The following REDIC1 variants were observed in gnomAD, a reference collection of about 807,000 sequenced individuals.
The protein encoded by REDIC1 is regulator of DNA class I crossover intermediates 1, also known as HEI10 Interacting Protein 1.
chr12:39,856,329 G>A, the REDIC1 span, among the ~76,000 whole-genome samples: 1 of 152,036 alleles, frequency 6.6e-6, no homozygotes, highest in Non-Finnish European at 1.5e-5. Context: ...TACTTTCACT[G>A]AAGAGGTTCT....
the REDIC1 span, among the ~76,000 whole-genome samples, chr12:39,665,030 C>A: frequency 6.6e-6 from 1 of 152,136 alleles, no homozygotes; most frequent in Non-Finnish European, 1.5e-5. Context: ...GTTGCCTGTT[C>A]ATTCTGATCA....
the REDIC1 span, among the ~76,000 whole-genome samples, chr12:39,740,977 A>T: frequency 0.014 from 2,107 of 151,960 alleles, 140 homozygotes; most frequent in Admixed American, 0.098. Context: ...TATTATTATT[A>T]TTTTTTTGAG....
the REDIC1 span, among the ~76,000 whole-genome samples, chr12:39,631,640 C>T: frequency 2.0e-5 from 3 of 152,034 alleles, no homozygotes; most frequent in Non-Finnish European, 4.4e-5. Flanking sequence ...GGGCTAAATA[C>T]TTATATACAA....
the REDIC1 span, among the ~76,000 whole-genome samples, chr12:39,823,326 C>T: frequency 2.6e-5 from 4 of 152,178 alleles, no homozygotes; most frequent in South Asian, 8.3e-4. Flanking sequence ...CCTTATGTGA[C>T]TAACTGATAA....
At chr12:39,863,978 A>G in the REDIC1 span, among the ~76,000 whole-genome samples, 1 of 152,208 alleles carries the variant, frequency 6.6e-6, no homozygotes, top group Admixed American at 6.5e-5. Context: ...AGGAATATAC[A>G]TTTTTGTTAA....
chr12:39,714,306 T>C, the REDIC1 span, among the ~76,000 whole-genome samples: 66 of 149,656 alleles, frequency 4.4e-4, 24 homozygotes, highest in African/African-American at 1.5e-3. Context: ...CATATATGTA[T>C]ATACGTATAT....
At chr12:39,660,964 T>C in the REDIC1 span, among the ~76,000 whole-genome samples, 2 of 152,086 alleles carry the variant, frequency 1.3e-5, no homozygotes, top group African/African-American at 4.8e-5. Flanking sequence ...GTTCCACCCA[T>C]GTTGCTGCAA....
At chr12:39,871,727 A>G in the REDIC1 span, 1 of 1,446,694 alleles carries the variant, frequency 6.9e-7, no homozygotes. Flanking sequence ...TAAGTATTGT[A>G]TTTTTGAAGG....
At chr12:39,719,891 C>G in the REDIC1 span, among the ~76,000 whole-genome samples, 1 of 151,926 alleles carries the variant, frequency 6.6e-6, no homozygotes, top group Non-Finnish European at 1.5e-5. Context: ...TGTGTTCGGA[C>G]CATTTTAAGA....
the REDIC1 span, among the ~76,000 whole-genome samples, chr12:39,777,251 A>T: frequency 2.6e-5 from 4 of 152,242 alleles, no homozygotes; most frequent in Admixed American, 1.3e-4. Context: ...TAAACTGAGT[A>T]AAGGCAGGGA....
At chr12:39,735,906 C>A in the REDIC1 span, among the ~76,000 whole-genome samples, 7 of 152,188 alleles carry the variant, frequency 4.6e-5, no homozygotes, top group South Asian at 1.5e-3. Flanking sequence ...GGGGTGAACC[C>A]CAGTATGATT....
the REDIC1 span, among the ~76,000 whole-genome samples, chr12:39,666,649 T>A: frequency 0.069 from 10,576 of 152,210 alleles, 1,292 homozygotes; most frequent in African/African-American, 0.24. Context: ...TGGTACCAGC[T>A]CCTCCTTGTA....
the REDIC1 span, chr12:39,682,680 T>A: frequency 1.9e-6 from 3 of 1,611,260 alleles, no homozygotes; most frequent in Non-Finnish European, 2.5e-6. Flanking sequence ...GAAGCACGGA[T>A]GAAATAAGAC....
the REDIC1 span, among the ~76,000 whole-genome samples, chr12:39,726,550 A>G: frequency 7.9e-5 from 12 of 152,086 alleles, no homozygotes; most frequent in African/African-American, 2.9e-4. Flanking sequence ...CATTTTCTTT[A>G]TCCAGTCTAT....
the REDIC1 span, among the ~76,000 whole-genome samples, chr12:39,678,347 T>C: frequency 1.3e-5 from 2 of 152,134 alleles, no homozygotes. Flanking sequence ...AGGAGATTGA[T>C]AAATTCCTAG....
chr12:39,772,298 T>A, the REDIC1 span, among the ~76,000 whole-genome samples: 2 of 152,160 alleles, frequency 1.3e-5, no homozygotes, highest in Non-Finnish European at 2.9e-5. Context: ...CTCAATTTTC[T>A]TGTAAAATAA....
the REDIC1 span, among the ~76,000 whole-genome samples, chr12:39,839,965 T>C: frequency 6.6e-6 from 1 of 152,118 alleles, no homozygotes; most frequent in Non-Finnish European, 1.5e-5. Context: ...CATATTTAAA[T>C]AGCTACCAGT....
the REDIC1 span, chr12:39,872,101 T>G: frequency 3.3e-6 from 2 of 609,762 alleles, no homozygotes; most frequent in East Asian, 6.6e-5. Flanking sequence ...TGGGAATTCA[T>G]GCAAGCTGTT....
At chr12:39,703,273 A>T in the REDIC1 span, among the ~76,000 whole-genome samples, 468 of 150,844 alleles carry the variant, frequency 3.1e-3, 6 homozygotes, top group African/African-American at 0.011. Flanking sequence ...AATCACAAGC[A>T]TTCTTATACA....
Sources: gnomAD v4.1 joint callset for allele counts (sites outside exome capture counted in the v4.1 genomes callset) on GRCh38, gnomAD v4.1.1 for gene constraint, MANE v1.5 for transcripts, NCBI Gene and HGNC (gene_info 2026-07-23, HGNC 2026-07-21) for gene names.